SPAG16: variants seen among roughly 807,000 people sequenced by gnomAD.
The protein encoded by SPAG16 is sperm associated antigen 16.
In SPAG16, 86 loss-of-function variants were observed where a neutral mutation model predicts 80.4. The ratio of observed to expected loss-of-function variants is 1.07; its 90% CI spans 0.90 to 1.28. The LOEUF is 1.28. SPAG16 is among the 50% of genes most tolerant of loss of function. SPAG16 has a pLI of 0.00. For missense variants in SPAG16, 870 were observed against 765.3 expected (o/e 1.14, Z -1.61); for synonymous variants, 294 against 265.9 (o/e 1.11, Z -1.03).
At chr2:214,350,280 C>T (rs1476655901) in intron 15 of SPAG16, among the ~76,000 whole-genome samples, 1 of 152,200 alleles carries the variant, frequency 6.6e-6, no homozygotes. Flanking sequence ...TCTCTTTCCT[C>T]TCTTCTCGGA....
intron 10 of SPAG16, among the ~76,000 whole-genome samples, chr2:213,649,542 T>G (rs2062948463): frequency 6.6e-6 from 1 of 152,208 alleles, no homozygotes; most frequent in African/African-American, 2.4e-5. Context: ...AAAATATATT[T>G]TATTTAGCAC....
intron 13 of SPAG16, among the ~76,000 whole-genome samples, chr2:214,086,479 A>G (rs1475057544): frequency 1.3e-5 from 2 of 152,106 alleles, no homozygotes; most frequent in African/African-American, 4.8e-5. Flanking sequence ...TGATGAGATC[A>G]TGGAGGCAGT....
Position 213,516,844 on chromosome 2 carries a change from A to G in SPAG16, c.1070+26754A>G, listed in dbSNP as rs1306834023. The stretch of plus-strand genomic sequence containing the variant: ...AAATAATTATGTTGTTTTTCATTAA[A>G]TGGAAAAAATAGAAAAAAGTTTCAA... On this transcript the variant is annotated intron_variant, in intron 10 of 15. Transcript: ENST00000331683. 2.6e-5 allele frequency among the ~76,000 whole-genome samples: 4 copies of G among 152,198 alleles called. No individual in the cohort carries two copies. In the East Asian group the frequency reaches 7.7e-4, roughly 29 times the overall value.
intron 15 of SPAG16, among the ~76,000 whole-genome samples, chr2:214,216,424 C>T (rs911674643): frequency 2.0e-5 from 3 of 152,166 alleles, no homozygotes; most frequent in African/African-American, 4.8e-5. Context: ...CAGGATCCAG[C>T]GATTCCCCTG....
In SPAG16 at chr2:214,278,842, T is replaced by A. The variant is rs1692671840; in HGVS notation, c.1720+129576T>A. Among the ~76,000 whole-genome samples, 12 of 152,290 alleles carry A rather than the reference T, an allele frequency of 7.9e-5. 1 individual carries two copies. The South Asian group carries it at 2.3e-3, about 29-fold the overall frequency. Reference sequence around the variant, plus strand: ...TTGTTTTTATACCTACATTTGAAACTTCAGAAAACAAGATTCACAGAATAA... The same window carrying A: ...TTGTTTTTATACCTACATTTGAAACATCAGAAAACAAGATTCACAGAATAA... On this transcript the variant is annotated intron_variant, in intron 15 of 15. Coordinates refer to ENST00000331683, the MANE Select transcript of SPAG16 (RefSeq NM_024532.5).
chr2:214,390,331 C>CTT (rs5838433), intron 15 of SPAG16, among the ~76,000 whole-genome samples: 2,325 of 112,504 alleles, frequency 0.021, 46 homozygotes, highest in African/African-American at 0.057. Flanking sequence ...AATGGGTATG[C>CTT]TTTTTTTTTT....
intron 10 of SPAG16, among the ~76,000 whole-genome samples, chr2:213,566,157 G>A (rs1218347701): frequency 6.6e-6 from 1 of 152,116 alleles, no homozygotes; most frequent in Non-Finnish European, 1.5e-5. Context: ...GAGTGAAGGA[G>A]GAGGTAATTA....
chr2:214,275,108 T>C (rs1177396944), intron 15 of SPAG16, among the ~76,000 whole-genome samples: 1 of 152,240 alleles, frequency 6.6e-6, no homozygotes, highest in Non-Finnish European at 1.5e-5. Flanking sequence ...TATTCTCTGA[T>C]GGTAGTTTGT....
chr2:213,517,163 T>C (rs2075459325), intron 10 of SPAG16, among the ~76,000 whole-genome samples: 1 of 152,138 alleles, frequency 6.6e-6, no homozygotes, highest in Non-Finnish European at 1.5e-5. Context: ...TATATACCAG[T>C]AATGCCCACG....
At chr2:214,213,546 A>C (rs535383848) in intron 15 of SPAG16, among the ~76,000 whole-genome samples, 2 of 152,306 alleles carry the variant, frequency 1.3e-5, no homozygotes, top group East Asian at 3.9e-4. Flanking sequence ...TATTGTTGAC[A>C]TTTTGAGTTT....
At chr2:213,876,232 T>G (rs1042339212) in intron 11 of SPAG16, among the ~76,000 whole-genome samples, 2 of 151,254 alleles carry the variant, frequency 1.3e-5, no homozygotes, top group African/African-American at 4.9e-5. Context: ...TTTTAGTTAT[T>G]TGAAACTTCA....
chr2:213,909,105 CA>C (rs2077549769), intron 11 of SPAG16, among the ~76,000 whole-genome samples: 1 of 152,154 alleles, frequency 6.6e-6, no homozygotes, highest in South Asian at 2.1e-4. Flanking sequence ...AGAGCCAAAT[CA>C]TGAGTGAACT....
chr2:214,238,109 T>G (rs542347728), intron 15 of SPAG16: 25 of 399,242 alleles, frequency 6.3e-5, no homozygotes, highest in South Asian at 4.6e-4. Context: ...AACTTTTAAT[T>G]AATCATACAA....
At chr2:214,323,232 T>C (rs1696228376) in intron 15 of SPAG16, among the ~76,000 whole-genome samples, 1 of 152,112 alleles carries the variant, frequency 6.6e-6, no homozygotes, top group African/African-American at 2.4e-5. Context: ...CCGCTGAGCT[T>C]CAGATTGCTT....
intron 10 of SPAG16, among the ~76,000 whole-genome samples, chr2:213,646,291 G>A (rs79744726): frequency 0.01 from 1,562 of 152,214 alleles, 22 homozygotes; most frequent in African/African-American, 0.035. Context: ...CCTTATGGGG[G>A]CGGGGTTGGG....
rs573961224 is a variant in SPAG16 at position 213,709,824 on chromosome 2, T to A, written c.1071-152661T>A. Among the ~76,000 whole-genome samples the A allele has an allele frequency of 2.6e-5, 4 of 152,354 alleles. No individual in the cohort carries two copies. The East Asian group carries it at 5.8e-4, about 22-fold the overall frequency. On this transcript the variant is annotated intron_variant, in intron 10 of 15. Transcript: ENST00000331683. ...ATATTTGATTTCATAATGTTTAAGGTCATTTCTCAGAATACACAGGTTTGA... is the reference window on the plus strand; with the variant it reads ...ATATTTGATTTCATAATGTTTAAGGACATTTCTCAGAATACACAGGTTTGA...
chr2:214,173,770 CA>C (rs374764252), intron 15 of SPAG16, among the ~76,000 whole-genome samples: 1 of 151,444 alleles, frequency 6.6e-6, no homozygotes, highest in African/African-American at 2.4e-5. Context: ...GAGACACAAC[CA>C]AAAAAGAGAA....
intron 10 of SPAG16, among the ~76,000 whole-genome samples, chr2:213,718,528 C>T (rs1202043574): frequency 1.3e-5 from 2 of 152,200 alleles, no homozygotes; most frequent in African/African-American, 4.8e-5. Context: ...GCCTGCGGTG[C>T]TTGCAGGCCA....
chr2:213,891,489 T>C (rs960934077), intron 11 of SPAG16, among the ~76,000 whole-genome samples: 3 of 152,264 alleles, frequency 2.0e-5, no homozygotes, highest in Middle Eastern at 3.4e-3. Context: ...GTAGAGATCA[T>C]TGAAATTCAT....
Sources: gnomAD v4.1 joint callset for allele counts (sites outside exome capture counted in the v4.1 genomes callset) on GRCh38, gnomAD v4.1.1 for gene constraint, MANE v1.5 for transcripts, NCBI Gene and HGNC (gene_info 2026-07-23, HGNC 2026-07-21) for gene names.